Variants in GRAMD2B observed in about 807,000 individuals in gnomAD.
The protein encoded by GRAMD2B is GRAM domain-containing protein 2B.
GRAMD2B carries 41 observed loss-of-function variants against 59.2 expected under a neutral mutation model. That is an observed-to-expected ratio of 0.69 (90% CI 0.54 to 0.90). GRAMD2B has a LOEUF of 0.90. Among genes scored for constraint, GRAMD2B ranks in the 40% least tolerant of loss-of-function variants. GRAMD2B has a pLI of 0.00. For missense variants in GRAMD2B, 424 were observed against 500.5 expected (o/e 0.85, Z 1.46); for synonymous variants, 161 against 182.7 (o/e 0.88, Z 0.96).
At chr5:126,423,110 G>A, upstream of GRAMD2B, 3 of 972,748 alleles carry the variant, frequency 3.1e-6, no homozygotes, top group Non-Finnish European at 3.7e-6. Context: ...GCATTTGTGT[G>A]ACAGGGCGTC....
At chr5:126,483,005 ACTTTTC>A (rs1265384095) in intron 8 of GRAMD2B, among the ~76,000 whole-genome samples, 1 of 152,206 alleles carries the variant, frequency 6.6e-6, no homozygotes, top group Non-Finnish European at 1.5e-5. Context: ...GGCTAAAGCC[ACTTTTC>A]CTTTTCTGTT....
Position 126,481,037 on chromosome 5 carries a change from TAGG to T in GRAMD2B, c.735+332_735+334del, listed in dbSNP as rs1450420141. On this transcript the variant is annotated intron_variant, in intron 8 of 13. Coordinates refer to ENST00000285689, the MANE Select transcript of GRAMD2B (RefSeq NM_023927.4). ...GAGGGATTCACAAATCTATTTGAGG[TAGG>T]ACTGAATCATCCCACAAATCCTTAA... 3.8e-5 allele frequency: 12 copies of T among 317,274 alleles called. No homozygotes were observed. The South Asian group carries it at 5.2e-4, about 14-fold the overall frequency. The allele number at this position is 317,274 out of a possible 1,614,324, so 19.7% of individuals were successfully genotyped here. A position where few individuals can be genotyped will look rare whatever the true frequency, so the allele number is the denominator to read the frequency against.
At chr5:126,454,929 A>G (rs539001150) in intron 1 of GRAMD2B, among the ~76,000 whole-genome samples, 1 of 152,310 alleles carries the variant, frequency 6.6e-6, no homozygotes, top group Non-Finnish European at 1.5e-5. Context: ...TGCTATCAAT[A>G]TACATCTATT....
At chr5:126,445,848 A>G (rs1764127333) in intron 1 of GRAMD2B, among the ~76,000 whole-genome samples, 1 of 152,128 alleles carries the variant, frequency 6.6e-6, no homozygotes, top group African/African-American at 2.4e-5. Context: ...AGGTGTTGAG[A>G]TTGGGGAATG....
At chr5:126,451,369 G>A (rs534789701) in intron 1 of GRAMD2B, among the ~76,000 whole-genome samples, 2 of 152,326 alleles carry the variant, frequency 1.3e-5, no homozygotes, top group East Asian at 1.9e-4. Flanking sequence ...CAGGAAGCAT[G>A]GTGTAAACAA....
intron 1 of GRAMD2B, among the ~76,000 whole-genome samples, chr5:126,444,095 T>C (rs1357265968): frequency 6.6e-6 from 1 of 151,334 alleles, no homozygotes; most frequent in Non-Finnish European, 1.5e-5. Context: ...CCACCACCAC[T>C]AATACCACCA....
At chr5:126,407,206 G>A (rs183963324) in intron 1 of GRAMD2B, among the ~76,000 whole-genome samples, 132 of 152,130 alleles carry the variant, frequency 8.7e-4, no homozygotes, top group Middle Eastern at 3.4e-3. Flanking sequence ...GGTTCATTAG[G>A]TGCCTAGTCT....
At chr5:126,453,197 T>C (rs1180090627) in intron 1 of GRAMD2B, among the ~76,000 whole-genome samples, 1 of 152,080 alleles carries the variant, frequency 6.6e-6, no homozygotes, top group Non-Finnish European at 1.5e-5. Flanking sequence ...TAACTGGGCA[T>C]GATGGCACAT....
At chr5:126,439,895 G>A (rs1451839828) in intron 1 of GRAMD2B, among the ~76,000 whole-genome samples, 3 of 152,174 alleles carry the variant, frequency 2.0e-5, no homozygotes, top group African/African-American at 7.2e-5. Context: ...GTTTTATAAA[G>A]GGTAGTTCCC....
chr5:126,456,486 C>T (rs776611886), intron 1 of GRAMD2B, among the ~76,000 whole-genome samples: 1 of 152,154 alleles, frequency 6.6e-6, no homozygotes, highest in Non-Finnish European at 1.5e-5. Context: ...TGCTGGATTA[C>T]AGGAGTGAGC....
At chr5:126,457,367 C>T (rs1243134044) in intron 1 of GRAMD2B, among the ~76,000 whole-genome samples, 1 of 152,042 alleles carries the variant, frequency 6.6e-6, no homozygotes, top group Admixed American at 6.6e-5. Flanking sequence ...GGCACTGTGG[C>T]TCACACCTGT....
chr5:126,387,162 G>A (rs1756222994), intron 1 of GRAMD2B, among the ~76,000 whole-genome samples: 1 of 151,690 alleles, frequency 6.6e-6, no homozygotes, highest in Non-Finnish European at 1.5e-5. Context: ...TCCATATTTT[G>A]ATGACCTTAA....
intron 1 of GRAMD2B, among the ~76,000 whole-genome samples, chr5:126,408,154 A>G (rs533019537): frequency 1.1e-4 from 17 of 152,062 alleles, no homozygotes; most frequent in African/African-American, 4.1e-4. Context: ...CTTTATGTCC[A>G]TAAGTAACTG....
intron 1 of GRAMD2B, among the ~76,000 whole-genome samples, chr5:126,396,019 T>C (rs1359679775): frequency 2.0e-5 from 3 of 152,202 alleles, no homozygotes; most frequent in Non-Finnish European, 4.4e-5. Context: ...ATACCAGCAG[T>C]GTAAAAGGGT....
In GRAMD2B at chr5:126,362,354, A is replaced by G. The variant is rs569087092; in HGVS notation, c.128+1895A>G. ...GCAACATAGATACAAACTATTATAT[A>G]ATAGTATATGAGCCTTTCACTTTAC... On this transcript the variant is annotated intron_variant, in intron 1 of 13. Transcript: ENST00000513040. Among the ~76,000 whole-genome samples, 40 of 152,330 alleles carry G rather than the reference A, an allele frequency of 2.6e-4. 1 individual carries two copies. Among genetic ancestry groups the G allele is most frequent in the African/African-American group, 8.4e-4 (35 of 41,570 alleles).
At chr5:126,449,532 A>G (rs1020090735) in intron 1 of GRAMD2B, among the ~76,000 whole-genome samples, 2 of 152,054 alleles carry the variant, frequency 1.3e-5, no homozygotes, top group African/African-American at 2.4e-5. Flanking sequence ...ATTTTTCGCC[A>G]TGGGATATCA....
intron 1 of GRAMD2B, among the ~76,000 whole-genome samples, chr5:126,457,630 CG>C (rs1766562017): frequency 2.0e-5 from 3 of 151,896 alleles, no homozygotes; most frequent in African/African-American, 7.3e-5. Flanking sequence ...GACTCTGTCT[CG>C]GGGGGAAAAA....
intron 1 of GRAMD2B, among the ~76,000 whole-genome samples, chr5:126,431,144 T>A (rs1033171930): frequency 1.3e-5 from 2 of 152,210 alleles, no homozygotes; most frequent in African/African-American, 4.8e-5. Context: ...GCTATTGTCA[T>A]TTTAAGGCCG....
chr5:126,462,878 A>C (rs1036467605), intron 1 of GRAMD2B, among the ~76,000 whole-genome samples: 1 of 152,222 alleles, frequency 6.6e-6, no homozygotes, highest in African/African-American at 2.4e-5. Context: ...AGTGAAGTGG[A>C]GAGTATGTAG....
Sources: allele counts gnomAD v4.1 joint callset (sites outside exome capture counted in the v4.1 genomes callset), GRCh38; gene constraint gnomAD v4.1.1; transcripts MANE v1.5; gene names NCBI Gene and HGNC (gene_info 2026-07-23, HGNC 2026-07-21).